Variants in ROBO2 observed in about 807,000 individuals in gnomAD.
ROBO2 encodes roundabout guidance receptor 2.
A neutral mutation model predicts 160.8 loss-of-function variants in ROBO2; 53 were observed. That is an observed-to-expected ratio of 0.33 (90% confidence interval 0.26 to 0.41). The LOEUF is 0.41. ROBO2 is among the 10% of genes least tolerant of loss of function. The pLI is 1.00. For synonymous variants in ROBO2, 664 were observed against 611.7 expected, an observed-to-expected ratio of 1.09 and a Z score of -1.26; for missense variants, 1,577 against 1,722.4, an observed-to-expected ratio of 0.92 and a Z score of 1.49.
chr3:77,335,325 T>C (rs2066383145), intron 2 of ROBO2, among the ~76,000 whole-genome samples: 1 of 152,128 alleles, frequency 6.6e-6, no homozygotes, highest in Non-Finnish European at 1.5e-5. Flanking sequence ...GAGAATCGCT[T>C]GAACCCGGGA....
chr3:77,162,257 T>C (rs2078561892), intron 2 of ROBO2, among the ~76,000 whole-genome samples: 1 of 152,180 alleles, frequency 6.6e-6, no homozygotes, highest in Non-Finnish European at 1.5e-5. Context: ...CAACATGGTG[T>C]ATATTTGTAC....
intron 2 of ROBO2, among the ~76,000 whole-genome samples, chr3:76,459,973 A>G (rs1404636602): frequency 6.6e-6 from 1 of 152,192 alleles, no homozygotes; most frequent in Non-Finnish European, 1.5e-5. Context: ...TCCAAAGAGA[A>G]GTATATGAAT....
intron 5 of ROBO2, among the ~76,000 whole-genome samples, chr3:77,512,712 T>C (rs2089547251): frequency 6.6e-6 from 1 of 151,964 alleles, no homozygotes; most frequent in Non-Finnish European, 1.5e-5. Flanking sequence ...CCTATAATTA[T>C]AGACCTTTAC....
intron 1 of ROBO2, among the ~76,000 whole-genome samples, chr3:77,090,543 A>C (rs2070062722): frequency 6.6e-6 from 1 of 151,148 alleles, no homozygotes; most frequent in Non-Finnish European, 1.5e-5. Flanking sequence ...TTTAGTAGAG[A>C]CAAGGTTTCA....
Position 76,464,020 on chromosome 3 carries a change from A to G in ROBO2, c.109+526418A>G, listed in dbSNP as rs76119758. 3.9e-5 allele frequency among the ~76,000 whole-genome samples: 6 copies of G among 152,284 alleles called. No homozygotes were observed. The East Asian group carries it at 1.2e-3, about 29-fold the overall frequency. Reference sequence around the variant, plus strand: ...GACAGAGGAGGAGAGAAGGAGAATAATAGGAGTTGGAAAGAGAAATAGGCA... The same window carrying G: ...GACAGAGGAGGAGAGAAGGAGAATAGTAGGAGTTGGAAAGAGAAATAGGCA... On this transcript the variant is annotated intron_variant, in intron 2 of 26. Transcript: ENST00000487694.
At position 76,382,078 on chromosome 3, in the gene ROBO2, C is replaced by T. The variant is rs943872038; in HGVS notation, c.109+444476C>T. Among the ~76,000 whole-genome samples the T allele has an allele frequency of 7.9e-5, 12 of 152,114 alleles. No homozygotes were observed. The East Asian group carries it at 2.3e-3, about 29-fold the overall frequency. On this transcript the variant is annotated intron_variant, in intron 2 of 26. Transcript: ENST00000487694. ...CCTCAATGTCCCAGGCTCAAGTGAT[C>T]CTCCCACCTACCTAGTAGCTGGGAC...
At chr3:77,583,585 C>T (rs1465997363) in intron 16 of ROBO2, among the ~76,000 whole-genome samples, 1 of 152,062 alleles carries the variant, frequency 6.6e-6, no homozygotes, top group Admixed American at 6.6e-5. Context: ...ATATTAAGTC[C>T]ATACACCTAT....
chr3:76,944,868 C>T (rs982880391), intron 2 of ROBO2, among the ~76,000 whole-genome samples: 8 of 151,900 alleles, frequency 5.3e-5, no homozygotes, highest in Admixed American at 2.0e-4. Flanking sequence ...GTGGCCCTCC[C>T]CTTGAATCTG....
At position 76,272,953 on chromosome 3, in the gene ROBO2, A is replaced by ATATAAAAAT. The variant is rs1559706585; in HGVS notation, c.109+335351_109+335352insTATAAAAAT. Among the ~76,000 whole-genome samples, 13 of 31,324 alleles carry ATATAAAAAT rather than the reference A, an allele frequency of 4.2e-4. 1 individual carries two copies. The South Asian group carries it at 9.8e-3, about 24-fold the overall frequency. 20.5% of individuals were successfully genotyped at this position (31,324 alleles called of 152,430 possible). On this transcript the variant is annotated intron_variant, in intron 2 of 26. Coordinates refer to the ROBO2 transcript ENST00000487694. ...TTATATATAAATATATAAAATATATAATATATATTTATATATAAAATATAT... is the reference window on the plus strand; with the variant it reads ...TTATATATAAATATATAAAATATATATATAAAAATATATATATTTATATATAAAATATAT...
chr3:76,599,352 G>T (rs2108919335), intron 2 of ROBO2, among the ~76,000 whole-genome samples: 1 of 152,252 alleles, frequency 6.6e-6, no homozygotes, highest in Non-Finnish European at 1.5e-5. Flanking sequence ...GTATCAGTTT[G>T]CTAAGGATAA....
At chr3:76,011,770 A>C (rs888542478) in intron 2 of ROBO2, among the ~76,000 whole-genome samples, 6 of 152,204 alleles carry the variant, frequency 3.9e-5, no homozygotes, top group African/African-American at 1.4e-4. Flanking sequence ...CCTCAATGGA[A>C]ATTTTAAGGA....
intron 2 of ROBO2, among the ~76,000 whole-genome samples, chr3:76,106,171 T>C (rs76901756): frequency 0.031 from 4,775 of 152,150 alleles, 267 homozygotes; most frequent in African/African-American, 0.11. Context: ...AAGGCAAACA[T>C]GTAGAGATGC....
chr3:77,134,816 T>C (rs2076145999), intron 2 of ROBO2, among the ~76,000 whole-genome samples: 1 of 152,226 alleles, frequency 6.6e-6, no homozygotes, highest in Admixed American at 6.5e-5. Flanking sequence ...ATCAAATCAG[T>C]ACAGCTATCC....
chr3:77,175,419 A>G (rs2080049485), intron 2 of ROBO2, among the ~76,000 whole-genome samples: 1 of 152,086 alleles, frequency 6.6e-6, no homozygotes, highest in South Asian at 2.1e-4. Flanking sequence ...ATGATAATGT[A>G]GAGGTCCTTA....
chr3:76,443,674 T>C (rs1018469596), intron 2 of ROBO2, among the ~76,000 whole-genome samples: 5 of 152,170 alleles, frequency 3.3e-5, no homozygotes, highest in African/African-American at 1.2e-4. Context: ...AGTCCAATTT[T>C]TTTTAGAGGC....
chr3:77,451,280 C>T (rs1276425974), intron 2 of ROBO2, among the ~76,000 whole-genome samples: 3 of 151,920 alleles, frequency 2.0e-5, no homozygotes, highest in Middle Eastern at 6.8e-3. Flanking sequence ...AAAAATGATC[C>T]CTATCCATAT....
intron 2 of ROBO2, among the ~76,000 whole-genome samples, chr3:77,252,125 T>C (rs887156509): frequency 1.3e-5 from 2 of 152,214 alleles, no homozygotes; most frequent in African/African-American, 4.8e-5. Context: ...CCAGATATCC[T>C]AGTACATTGC....
At chr3:76,939,979 ATT>A (rs71104641) in intron 2 of ROBO2, among the ~76,000 whole-genome samples, 2 of 120,542 alleles carry the variant, frequency 1.7e-5, no homozygotes. Flanking sequence ...AAGCAACAGG[ATT>A]TTTTTTTTTT....
intron 2 of ROBO2, among the ~76,000 whole-genome samples, chr3:76,788,226 A>C (rs2063125379): frequency 6.6e-6 from 1 of 151,420 alleles, no homozygotes; most frequent in Admixed American, 6.6e-5. Flanking sequence ...CTTTGGACAA[A>C]ATGTGTGAGA....
Sources: gnomAD v4.1 joint callset for allele counts (sites outside exome capture counted in the v4.1 genomes callset) on GRCh38, gnomAD v4.1.1 for gene constraint, MANE v1.5 for transcripts, NCBI Gene and HGNC (gene_info 2026-07-23, HGNC 2026-07-21) for gene names.